The following CSMD1 variants were observed in gnomAD, a reference collection of about 807,000 sequenced individuals.
The protein encoded by CSMD1 is CUB and sushi domain-containing protein 1.
CSMD1 carries 213 observed loss-of-function variants against 417.5 expected under a neutral mutation model. The ratio of observed to expected loss-of-function variants is 0.51; its 90% confidence interval spans 0.46 to 0.57. The LOEUF (loss-of-function observed/expected upper bound fraction) is 0.57, where lower values mean the gene tolerates loss of function less well. CSMD1 is among the 20% of genes least tolerant of loss of function. The pLI is 0.00. For missense variants in CSMD1, 6,923 were observed against 4,529.7 expected (o/e 1.53, Z -15.17); for synonymous variants, 2,862 against 1,736.8 (o/e 1.65, Z -16.11).
intron 7 of CSMD1, among the ~76,000 whole-genome samples, chr8:3,694,429 T>C (rs1264758049): frequency 1.3e-5 from 2 of 152,046 alleles, no homozygotes; most frequent in Non-Finnish European, 2.9e-5. Context: ...AGTAACTGTG[T>C]CAGGCAGACA....
chr8:4,151,113 G>A (rs908960839), intron 3 of CSMD1, among the ~76,000 whole-genome samples: 1 of 152,144 alleles, frequency 6.6e-6, no homozygotes, highest in African/African-American at 2.4e-5. Context: ...CCCAGCAGAA[G>A]ATATTAGGAT....
intron 2 of CSMD1, among the ~76,000 whole-genome samples, chr8:4,453,552 T>C (rs1379276445): frequency 6.6e-6 from 1 of 152,174 alleles, no homozygotes; most frequent in Non-Finnish European, 1.5e-5. Flanking sequence ...ACAGAATAAC[T>C]TGGGCCACAT....
intron 64 of CSMD1, among the ~76,000 whole-genome samples, chr8:2,954,538 G>T (rs1258963504): frequency 6.6e-6 from 1 of 152,082 alleles, no homozygotes; most frequent in Non-Finnish European, 1.5e-5. Flanking sequence ...GCCTTGCAAA[G>T]GAGGGTGCCT....
rs759703743 is a variant in CSMD1, at chr8:3,408,024, G to C, written c.1946C>G (p.Thr649Ser). 6.2e-7 allele frequency: 1 copy of C among 1,613,952 alleles called. No homozygotes were observed. The highest frequency in any genetic ancestry group is 8.5e-7 in the Non-Finnish European group (1 of 1,179,886). Reference protein sequence around the residue: ...AVKDDGISDITVLGTFSGNEV... With the variant: ...AVKDDGISDISVLGTFSGNEV... The stretch of plus-strand genomic sequence containing the variant: ...ATTGCCAGAAAAAGTACCCAGGACA[G>C]TTATGTCAGAAATGCCATCATCCTT... The change falls in exon 14 of 70, where the codon ACT (threonine) becomes AGT (serine). Residue 649 changes from threonine to serine, a missense_variant. Thr to Ser is a moderately conservative substitution (Grantham distance 58). Transcript: ENST00000635120.
chr8:4,766,287 G>T (rs866048941), intron 1 of CSMD1, among the ~76,000 whole-genome samples: 1 of 152,172 alleles, frequency 6.6e-6, no homozygotes, highest in South Asian at 2.1e-4. Context: ...TTACCTGCTA[G>T]TTACCTTTTT....
chr8:4,045,586 AG>A (rs1485055151), intron 3 of CSMD1, among the ~76,000 whole-genome samples: 2 of 152,188 alleles, frequency 1.3e-5, no homozygotes, highest in Non-Finnish European at 2.9e-5. Flanking sequence ...TTAGAATGAA[AG>A]AAACTCAAGA....
intron 1 of CSMD1, among the ~76,000 whole-genome samples, chr8:4,677,690 G>C (rs1057103303): frequency 6.6e-6 from 1 of 151,886 alleles, no homozygotes; most frequent in Admixed American, 6.6e-5. Context: ...GTTCTACTTT[G>C]ACTCACCGTT....
intron 10 of CSMD1, among the ~76,000 whole-genome samples, chr8:3,555,162 C>G (rs544666431): frequency 6.6e-6 from 1 of 151,896 alleles, no homozygotes; most frequent in South Asian, 2.1e-4. Context: ...AGAAAACAAG[C>G]AGAATGGGGA....
intron 1 of CSMD1, among the ~76,000 whole-genome samples, chr8:4,878,097 A>G (rs756495790): frequency 3.3e-5 from 5 of 152,122 alleles, no homozygotes; most frequent in Non-Finnish European, 7.3e-5. Context: ...GTATGTGACC[A>G]GTAACCCTCA....
chr8:4,293,420 C>G (rs1297890077), intron 3 of CSMD1, among the ~76,000 whole-genome samples: 1 of 152,122 alleles, frequency 6.6e-6, no homozygotes, highest in Non-Finnish European at 1.5e-5. Context: ...AAAGCTACGG[C>G]TAAAAAGTGT....
At chr8:4,677,190 AACTAT>A (rs1480466459) in intron 1 of CSMD1, among the ~76,000 whole-genome samples, 40 of 150,340 alleles carry the variant, frequency 2.7e-4, no homozygotes, top group Non-Finnish European at 5.9e-5. Flanking sequence ...ATGGTCAGGT[AACTAT>A]ACATAATAGT....
chr8:4,378,271 C>G (rs561133329), intron 3 of CSMD1, among the ~76,000 whole-genome samples: 2 of 152,162 alleles, frequency 1.3e-5, no homozygotes, highest in Non-Finnish European at 2.9e-5. Flanking sequence ...AATACATTGT[C>G]CCTGTTATAT....
intron 1 of CSMD1, among the ~76,000 whole-genome samples, chr8:4,811,317 C>G (rs11991291): frequency 6.9e-4 from 105 of 152,184 alleles, no homozygotes; most frequent in African/African-American, 2.4e-3. Context: ...AATATTGACT[C>G]GGAGAGAGAA....
intron 2 of CSMD1, among the ~76,000 whole-genome samples, chr8:4,455,556 T>C (rs965585935): frequency 6.6e-6 from 1 of 152,124 alleles, no homozygotes; most frequent in Non-Finnish European, 1.5e-5. Context: ...TTATAGAATA[T>C]GACCTCCTGC....
At chr8:4,479,666 T>C (rs1023284524) in intron 2 of CSMD1, among the ~76,000 whole-genome samples, 5 of 152,000 alleles carry the variant, frequency 3.3e-5, no homozygotes, top group Non-Finnish European at 7.4e-5. Context: ...GAGATCCAGG[T>C]GGGTAGACCA....
intron 5 of CSMD1, among the ~76,000 whole-genome samples, chr8:3,983,751 C>T (rs764391803): frequency 6.6e-6 from 1 of 152,196 alleles, no homozygotes; most frequent in Non-Finnish European, 1.5e-5. Context: ...CTGGTAGCAT[C>T]TGATGGGGCT....
At chr8:3,475,506 G>A (rs1817356406) in intron 11 of CSMD1, among the ~76,000 whole-genome samples, 1 of 152,198 alleles carries the variant, frequency 6.6e-6, no homozygotes, top group Non-Finnish European at 1.5e-5. Flanking sequence ...GGAGTTCTGT[G>A]ATGGCTCTGT....
At chr8:4,930,369 G>T (rs137966070) in intron 1 of CSMD1, among the ~76,000 whole-genome samples, 1 of 151,076 alleles carries the variant, frequency 6.6e-6, no homozygotes, top group Non-Finnish European at 1.5e-5. Flanking sequence ...ATAGGTGCGC[G>T]CACACACACA....
chr8:4,141,295 A>G (rs1046190826), intron 3 of CSMD1, among the ~76,000 whole-genome samples: 1 of 151,154 alleles, frequency 6.6e-6, no homozygotes, highest in East Asian at 1.9e-4. Context: ...AAAAATCCGT[A>G]ATTCCCAAGA....
Sources: gnomAD v4.1 joint callset for allele counts (sites outside exome capture counted in the v4.1 genomes callset) on GRCh38, gnomAD v4.1.1 for gene constraint, MANE v1.5 for transcripts, NCBI Gene and HGNC (gene_info 2026-07-23, HGNC 2026-07-21) for gene names.